The following TMEM185A variants were observed in gnomAD, a reference collection of about 807,000 sequenced individuals.
TMEM185A encodes the protein transmembrane protein 185A.
A neutral mutation model predicts 25.0 loss-of-function variants in TMEM185A; 9 were observed. That is an observed-to-expected ratio of 0.36 (90% CI 0.22 to 0.63). The LOEUF (loss-of-function observed/expected upper bound fraction) is 0.63. Ranked by LOEUF, TMEM185A falls within the 20% of genes least tolerant of loss-of-function variation. TMEM185A has a pLI of 0.68. For synonymous variants in TMEM185A, 45 were observed against 93.5 expected, an observed-to-expected ratio of 0.48 and a Z score of 2.99; for missense variants, 103 against 237.4, an observed-to-expected ratio of 0.43 and a Z score of 3.72.
At chrX:149,626,166 T>A (rs1300695642) in intron 1 of TMEM185A, among the ~76,000 whole-genome samples, 1 of 112,156 alleles carries the variant, frequency 8.9e-6, no homozygotes, top group African/African-American at 3.2e-5. Context: ...AGCCCCTACA[T>A]TGGGCCTGGC....
intron 1 of TMEM185A, among the ~76,000 whole-genome samples, chrX:149,611,989 T>C (rs1395238596): frequency 1.8e-5 from 2 of 112,758 alleles, no homozygotes; most frequent in Non-Finnish European, 3.7e-5. Context: ...CATATTCATA[T>C]GGCATGAACA....
intron 1 of TMEM185A, among the ~76,000 whole-genome samples, chrX:149,618,313 G>A (rs1357763866): frequency 1.8e-5 from 2 of 111,091 alleles, no homozygotes; most frequent in African/African-American, 6.5e-5. Flanking sequence ...TGGAAAAAAG[G>A]GAGGAGGGTT....
intron 4 of TMEM185A, among the ~76,000 whole-genome samples, chrX:149,603,291 G>GC (rs1443412361): frequency 9.1e-6 from 1 of 109,446 alleles, no homozygotes; most frequent in African/African-American, 3.3e-5. Flanking sequence ...AATGGGTATG[G>GC]CTTTTTTTTT....
chrX:149,608,212 T>A (rs782742077), intron 3 of TMEM185A, among the ~76,000 whole-genome samples: 13 of 112,585 alleles, frequency 1.2e-4, no homozygotes, highest in Non-Finnish European at 2.1e-4. Context: ...GTTATTTCCA[T>A]CATCTTTTGT....
Position 149,615,645 on chromosome X carries a change from C to T in TMEM185A, c.39-4182G>A, listed in dbSNP as rs1272291743. On this transcript the variant is annotated intron_variant, in intron 1 of 6. Coordinates refer to ENST00000600449, the MANE Select transcript of TMEM185A (RefSeq NM_032508.4). The stretch of plus-strand genomic sequence containing the variant: ...TAAATTTACAAAAATTATTGCATTT[C>T]TATATAGTAGCTATCACAAATTGGA... 2.7e-5 allele frequency among the ~76,000 whole-genome samples: 3 copies of T among 110,963 alleles called. No homozygotes were observed. In the East Asian group the frequency reaches 8.4e-4, roughly 31 times the overall value.
chrX:149,619,226 A>C (rs782667622), intron 1 of TMEM185A, among the ~76,000 whole-genome samples: 1 of 112,049 alleles, frequency 8.9e-6, no homozygotes, highest in African/African-American at 3.2e-5. Flanking sequence ...GATCTTTCAA[A>C]TGTTGACACA....
intron 1 of TMEM185A, among the ~76,000 whole-genome samples, chrX:149,621,088 A>G (rs1557355487): frequency 8.9e-6 from 1 of 112,453 alleles, no homozygotes; most frequent in Admixed American, 9.4e-5. Context: ...CTATTTAAAA[A>G]AGAAATTAGT....
intron 1 of TMEM185A, among the ~76,000 whole-genome samples, chrX:149,622,883 ATTT>A (rs2090146256): frequency 8.9e-6 from 1 of 111,838 alleles, no homozygotes; most frequent in Non-Finnish European, 1.9e-5. Flanking sequence ...TTTAAAAATT[ATTT>A]TTATTTATTA....
chrX:149,627,477 G>C (rs2090169710), intron 1 of TMEM185A, among the ~76,000 whole-genome samples: 1 of 112,014 alleles, frequency 8.9e-6, no homozygotes, highest in Non-Finnish European at 1.9e-5. Context: ...CATAGACACA[G>C]TAACAATCTG....
At chrX:149,605,529 G>GCCTCCCATGTCACTTTCTATA (rs2090046043) in intron 3 of TMEM185A, among the ~76,000 whole-genome samples, 1 of 85,473 alleles carries the variant, frequency 1.2e-5, no homozygotes, top group South Asian at 5.2e-4. Context: ...CACTTTCTAT[G>GCCTCCCATGTCACTTTCTATA]GCCTCCCATG....
At chrX:149,618,416 T>TA (rs782340775) in intron 1 of TMEM185A, among the ~76,000 whole-genome samples, 5 of 111,069 alleles carry the variant, frequency 4.5e-5, no homozygotes, top group Admixed American at 9.5e-5. Flanking sequence ...GAGGGGTTGC[T>TA]AAAAAAATAT....
At chrX:149,610,151 C>T (rs1254600064) in intron 2 of TMEM185A, among the ~76,000 whole-genome samples, 14 of 110,633 alleles carry the variant, frequency 1.3e-4, no homozygotes, top group African/African-American at 4.6e-4. Flanking sequence ...GATGTAGTGG[C>T]CGGACGTGGT....
chrX:149,617,977 C>A (rs1296159956), intron 1 of TMEM185A, among the ~76,000 whole-genome samples: 1 of 111,804 alleles, frequency 8.9e-6, no homozygotes, highest in African/African-American at 3.2e-5. Context: ...GGGCAAAACT[C>A]TAGACACAGA....
rs140490778 is a variant in TMEM185A, at chrX:149,605,715, C to A, written c.424-1645G>T. Among the ~76,000 whole-genome samples the A allele has an allele frequency of 1.4e-4, 16 of 112,411 alleles. 1 individual carries two copies. The East Asian group carries it at 3.6e-3, about 26-fold the overall frequency. Reference sequence around the variant, plus strand: ...TGTAAAGTCCAGATTTCTCCTGAATCCCGTGCCCACTTCCTATCCTGATGA... The same window carrying A: ...TGTAAAGTCCAGATTTCTCCTGAATACCGTGCCCACTTCCTATCCTGATGA... On this transcript the variant is annotated intron_variant, in intron 3 of 6. Transcript: ENST00000600449.
chrX:149,619,637 T>A (rs1461109749), intron 1 of TMEM185A, among the ~76,000 whole-genome samples: 18 of 109,150 alleles, frequency 1.6e-4, no homozygotes, highest in Non-Finnish European at 3.4e-4. Context: ...TATCTCCTAA[T>A]GCTATCCCTC....
intron 1 of TMEM185A, among the ~76,000 whole-genome samples, chrX:149,619,612 A>AC (rs1334474604): frequency 9.2e-6 from 1 of 109,180 alleles, no homozygotes; most frequent in Non-Finnish European, 1.9e-5. Context: ...TTAACTCGTC[A>AC]CTTAGCATTA....
At chrX:149,612,783 C>G (rs2090090705) in intron 1 of TMEM185A, among the ~76,000 whole-genome samples, 1 of 111,863 alleles carries the variant, frequency 8.9e-6, no homozygotes, top group African/African-American at 3.3e-5. Flanking sequence ...TTGGCAGAAT[C>G]CAGTTTCTTG....
intron 1 of TMEM185A, among the ~76,000 whole-genome samples, chrX:149,614,327 T>C (rs1442620212): frequency 8.9e-6 from 1 of 112,190 alleles, no homozygotes; most frequent in Non-Finnish European, 1.9e-5. Context: ...AAATAATCCA[T>C]AGGTCAAAGA....
chrX:149,607,568 G>A (rs1411334300), intron 3 of TMEM185A, among the ~76,000 whole-genome samples: 2 of 112,740 alleles, frequency 1.8e-5, no homozygotes, highest in Non-Finnish European at 3.7e-5. Context: ...CTCAATAAAC[G>A]TTATCTGCAA....
Sources: allele counts gnomAD v4.1 joint callset (sites outside exome capture counted in the v4.1 genomes callset), GRCh38; gene constraint gnomAD v4.1.1; transcripts MANE v1.5; gene names NCBI Gene and HGNC (gene_info 2026-07-23, HGNC 2026-07-21).